DNAJC10: variants seen among roughly 807,000 people sequenced by gnomAD.
The protein encoded by DNAJC10 is endoplasmic reticulum disulfide reductase DNAJC10.
In DNAJC10, 101 loss-of-function variants were observed where a neutral mutation model predicts 115.0. The ratio of observed to expected loss-of-function variants is 0.88; its 90% CI spans 0.75 to 1.04. The LOEUF is 1.04. DNAJC10 is among the 50% of genes least tolerant of loss of function. The pLI, the probability that DNAJC10 is intolerant of heterozygous loss-of-function variation, is 0.00. For missense variants in DNAJC10, 981 were observed against 928.8 expected (o/e 1.06, Z -0.73); for synonymous variants, 307 against 301.5 (o/e 1.02, Z -0.19).
intron 10 of DNAJC10, 23 bp downstream of exon 10, chr2:182,732,565 A>G (rs746759367): frequency 6.2e-7 from 1 of 1,609,184 alleles, no homozygotes; most frequent in South Asian, 1.1e-5. Context: ...CATTTTGTAA[A>G]ACTATATCAC....
intron 5 of DNAJC10, among the ~76,000 whole-genome samples, chr2:182,726,784 T>TG (rs748880089): frequency 6.6e-6 from 1 of 152,106 alleles, no homozygotes; most frequent in Non-Finnish European, 1.5e-5. Flanking sequence ...ACCTGGAGAG[T>TG]GCAGCAGCAG....
In DNAJC10 at chr2:182,754,992, C is replaced by T. The variant is rs376950295; in HGVS notation, c.1552-11C>T. 2.6e-4 allele frequency: 398 copies of T among 1,536,568 alleles called. 1 individual carries two copies. Among genetic ancestry groups the T allele is most frequent in the Non-Finnish European group, 3.4e-4 (376 of 1,111,538 alleles). The stretch of plus-strand genomic sequence containing the variant: ...TATAAAATCTTTAATTCATATTCTC[C>T]TTCCTATCAGTATAACATTCAGGCT... On this transcript the variant is annotated splice_polypyrimidine_tract_variant and intron_variant, in intron 16 of 23. Coordinates refer to ENST00000264065, the MANE Select transcript of DNAJC10 (RefSeq NM_018981.4).
chr2:182,752,729 AT>A (rs1303879372), intron 16 of DNAJC10: 169 of 180,066 alleles, frequency 9.4e-4, no homozygotes, highest in African/African-American at 3.6e-3. Flanking sequence ...AAAAAAAAAA[AT>A]CAATCCTATA....
intron 10 of DNAJC10, chr2:182,732,882 C>G (rs1574926210): frequency 3.8e-6 from 1 of 262,036 alleles, no homozygotes; most frequent in East Asian, 9.8e-5. Flanking sequence ...GTATATAGCT[C>G]TCATGTTATG....
chr2:182,754,741 G>A (rs1446945454), intron 16 of DNAJC10: 6 of 1,162,964 alleles, frequency 5.2e-6, no homozygotes, highest in Admixed American at 4.2e-5. Flanking sequence ...TACCCATGCC[G>A]ATTTCTCAAT....
rs769493673 is a variant in DNAJC10, at chr2:182,791,730, CT to C, written c.*14599del. 2 of 152,088 alleles carry C rather than the reference CT, an allele frequency of 1.3e-5. No homozygotes were observed. 9.4% of individuals were successfully genotyped at this position (152,088 alleles called of 1,614,324 possible). ...ACTGTATACAACATTTTATAACACT[CT>C]AATGTGGATAAGACACCTCAAAAAC... On this transcript the variant is annotated 3_prime_UTR_variant, in exon 24 of 24. Coordinates refer to ENST00000264065, the MANE Select transcript of DNAJC10 (RefSeq NM_018981.4).
intron 11 of DNAJC10, among the ~76,000 whole-genome samples, chr2:182,739,272 TAAGAA>T (rs1160129059): frequency 4.0e-5 from 6 of 148,182 alleles, no homozygotes; most frequent in African/African-American, 1.5e-4. Flanking sequence ...TATTCAGTTT[TAAGAA>T]AAGAATCTTA....
Position 182,757,794 on chromosome 2 carries a change from C to T in DNAJC10, c.1912C>T (p.Pro638Ser), listed in dbSNP as rs1207981500. The T allele has an allele frequency of 6.5e-7, 1 of 1,543,610 alleles. No individual in the cohort carries two copies. The highest frequency in any genetic ancestry group is 1.4e-5 in the African/African-American group (1 of 72,860). ...AAGATACCCTGAGATAAGATTTTTT[C>T]CCCCAAAATCAAATAAAGCTTATCA... ...VQRYPEIRFF[P>S]PKSNKAYHYH... Residue 638 changes from proline (P) to serine (S), a missense_variant, in exon 19 of 24, where the codon CCC becomes TCC. Transcript: ENST00000264065.
In DNAJC10 at chr2:182,717,084, A is replaced by C. The variant is rs1693013040; in HGVS notation, c.-147+12A>C. 2.0e-5 allele frequency: 3 copies of C among 152,336 alleles called. No individual in the cohort carries two copies. The highest frequency in any genetic ancestry group is 4.1e-4 in the South Asian group (2 of 4,822). 9.4% of individuals were successfully genotyped at this position (152,336 alleles called of 1,614,324 possible). On this transcript the variant is annotated intron_variant, in intron 2 of 23. Coordinates refer to ENST00000264065, the MANE Select transcript of DNAJC10 (RefSeq NM_018981.4). Reference sequence around the variant, plus strand: ...AAGACCATTCACAGGTAAAGAGAAAAATTTTTAAATATACATTTAGGATTA... The same window carrying C: ...AAGACCATTCACAGGTAAAGAGAAACATTTTTAAATATACATTTAGGATTA...
Position 182,756,414 on chromosome 2 carries a change from C to G in DNAJC10, c.1754C>G (p.Ser585Cys), listed in dbSNP as rs769764813. ...GAAGTCTGGATGGTTGATTTCTATT[C>G]TCCGTGGTGTCATCCTTGCCAAGTC... is the stretch of plus-strand genomic sequence containing the variant. ...HNEVWMVDFY[S>C]PWCHPCQVLM... Residue 585 changes from serine (S) to cysteine (C), a missense_variant, in exon 18 of 24, where the codon TCT becomes TGT. Ser to Cys is a moderately radical substitution (Grantham distance 112). Transcript: ENST00000264065. The G allele has an allele frequency of 3.1e-6, 5 of 1,614,068 alleles. No homozygotes were observed. The highest frequency in any genetic ancestry group is 4.2e-6 in the Non-Finnish European group (5 of 1,179,942).
intron 14 of DNAJC10, among the ~76,000 whole-genome samples, chr2:182,751,130 CTT>C (rs773393648): frequency 4.7e-5 from 4 of 85,176 alleles, no homozygotes; most frequent in Non-Finnish European, 6.2e-5. Flanking sequence ...GAGATTTTGA[CTT>C]TTTTTTTTTT....
At chr2:182,757,669 G>T in intron 18 of DNAJC10, 23 bp from the exon 19 acceptor site, 1 of 1,476,110 alleles carries the variant, frequency 6.8e-7, no homozygotes, top group Non-Finnish European at 9.0e-7. Flanking sequence ...AGTTATGGAG[G>T]TAATCTGTTT....
intron 16 of DNAJC10, among the ~76,000 whole-genome samples, chr2:182,754,413 A>G (rs1041598950): frequency 6.6e-6 from 1 of 152,208 alleles, no homozygotes; most frequent in African/African-American, 2.4e-5. Flanking sequence ...CTTTAGAGAG[A>G]GGCTTCCTGG....
chr2:182,759,333 T>C (rs1694235596), intron 21 of DNAJC10, 26 bp downstream of exon 21: 1 of 1,579,956 alleles, frequency 6.3e-7, no homozygotes, highest in South Asian at 1.2e-5. Context: ...CTTAAATAAG[T>C]TGTAGCCACA....
rs376254344 is a variant in DNAJC10, at chr2:182,752,152, A to G, written c.1515A>G (p.Thr505=). ...NLLYGQLKFG[T]LDCTVHEGLC... ...TTTATGGTCAGCTTAAGTTTGGTACACTAGATTGTACAGTTCATGAGGGAC... is the reference window on the plus strand; with the variant it reads ...TTTATGGTCAGCTTAAGTTTGGTACGCTAGATTGTACAGTTCATGAGGGAC... Residue 505 remains threonine (T), a synonymous_variant, in exon 16 of 24, where the codon ACA becomes ACG. Coordinates refer to ENST00000264065, the MANE Select transcript of DNAJC10 (RefSeq NM_018981.4). 7 of 1,611,656 alleles carry G rather than the reference A, an allele frequency of 4.3e-6. No individual in the cohort carries two copies. The African/African-American group carries it at 5.3e-5, about 12-fold the overall frequency.
intron 5 of DNAJC10, among the ~76,000 whole-genome samples, chr2:182,724,026 A>G (rs543328340): frequency 1.3e-5 from 2 of 152,276 alleles, no homozygotes; most frequent in East Asian, 3.9e-4. Context: ...CTAGAAAGTC[A>G]ACAAGCAAAT....
chr2:182,755,140 G>C (rs1317229609), intron 17 of DNAJC10, 36 bp downstream of exon 17: 1 of 1,330,766 alleles, frequency 7.5e-7, no homozygotes, highest in African/African-American at 1.4e-5. Context: ...CTAGAAATTT[G>C]TCTGTTTCTA....
Position 182,762,817 on chromosome 2 carries a change from C to G in DNAJC10, c.2265+16C>G. 1 of 1,608,302 alleles carries G rather than the reference C, an allele frequency of 6.2e-7. No individual in the cohort carries two copies. On this transcript the variant is annotated intron_variant, in intron 22 of 23. Coordinates refer to ENST00000264065, the MANE Select transcript of DNAJC10 (RefSeq NM_018981.4). ...AAGAGCAAAGGTATGTCCAGACTTT[C>G]CTCTGTTCCTTCCCTTAGTAGGCCA...
Position 182,720,099 on chromosome 2 carries a change from T to G in DNAJC10, c.297T>G (p.Tyr99Ter), listed in dbSNP as rs770971543. ...ATCTACGGAAAAAGTATGACAAATA[T>G]GGAGAAAAGGGACTTGAGGATAATC... ...DEDLRKKYDKYGEKGLEDNQG... is the reference protein window; with the variant it reads ...DEDLRKKYDK The change falls in exon 4 of 24, where the codon TAT (tyrosine) becomes TAG (stop). Residue 99 changes from tyrosine (Y) to a stop codon, truncating the protein, a stop_gained. Coordinates refer to ENST00000264065, the MANE Select transcript of DNAJC10 (RefSeq NM_018981.4). LOFTEE classifies it high-confidence loss of function. 1.9e-6 allele frequency: 3 copies of G among 1,611,566 alleles called. No individual in the cohort carries two copies. The East Asian group carries it at 6.7e-5, about 36-fold the overall frequency.
Sources: allele counts gnomAD v4.1 joint callset (sites outside exome capture counted in the v4.1 genomes callset), GRCh38; gene constraint gnomAD v4.1.1; transcripts MANE v1.5; gene names NCBI Gene and HGNC (gene_info 2026-07-23, HGNC 2026-07-21).